Variants in CENPF observed in about 807,000 individuals in gnomAD.
CENPF encodes the protein centromere protein F.
Under a neutral mutation model 307.3 loss-of-function variants are expected in CENPF, and 214 were observed. The ratio of observed to expected loss-of-function variants is 0.70; its 90% CI spans 0.62 to 0.78. CENPF has a LOEUF of 0.78. Among genes scored for constraint, CENPF ranks in the 30% least tolerant of loss-of-function variants. The pLI, the probability that CENPF is intolerant of heterozygous loss-of-function variation, is 0.00. For missense variants in CENPF, 3,401 were observed against 3,483.9 expected (o/e 0.98, Z 0.60); for synonymous variants, 1,259 against 1,270.6 (o/e 0.99, Z 0.19).
intron 19 of CENPF, among the ~76,000 whole-genome samples, chr1:214,660,846 G>T (rs150165361): frequency 3.9e-5 from 6 of 152,174 alleles, no homozygotes. Context: ...AGTTCTGTGA[G>T]GTTACTGATT....
chr1:214,648,363 A>C (rs961591336), intron 13 of CENPF: 2 of 458,994 alleles, frequency 4.4e-6, no homozygotes, highest in African/African-American at 4.0e-5. Context: ...TGATAATGAT[A>C]ATCTTTGATG....
chr1:214,632,623 A>T, intron 10 of CENPF, 21 bp downstream of exon 10: 1 of 1,610,866 alleles, frequency 6.2e-7, no homozygotes. Flanking sequence ...AGGATGCCGA[A>T]TTTTCTCCAC....
Position 214,643,324 on chromosome 1 carries a change from T to C in CENPF, c.4986T>C (p.Asp1662=). The C allele has an allele frequency of 6.8e-7, 1 of 1,479,734 alleles. No individual in the cohort carries two copies. Among genetic ancestry groups the C allele is most frequent in the Non-Finnish European group, 9.0e-7 (1 of 1,116,996 alleles). 91.7% of individuals were successfully genotyped at this position (1,479,734 alleles called of 1,614,324 possible). The change falls in exon 12 of 20, where the codon GAT becomes GAC. Residue 1662 remains aspartate (D), a splice_region_variant and synonymous_variant. Transcript: ENST00000366955. Reference sequence around the variant, plus strand: ...CTTTGCTTGGCATCGACACAGAAGATGTAAGTACCTGGGATTTAAATGCCA... The same window carrying C: ...CTTTGCTTGGCATCGACACAGAAGACGTAAGTACCTGGGATTTAAATGCCA... The part of the protein sequence containing the change: ...SRSLLGIDTE[D]AIQGRNESCD...
At position 214,655,445 on chromosome 1, in the gene CENPF, T is replaced by C. The variant is rs1255853670; in HGVS notation, c.8485+42T>C. On this transcript the variant is annotated intron_variant, in intron 17 of 19. Coordinates refer to ENST00000366955, the MANE Select transcript of CENPF (RefSeq NM_016343.4). ...GCACATCAACTAGCCAGAACTCTTTTCCAGTAGTGAAATAACATATGGTAT... is the reference window on the plus strand; with the variant it reads ...GCACATCAACTAGCCAGAACTCTTTCCCAGTAGTGAAATAACATATGGTAT... The C allele has an allele frequency of 3.3e-6, 5 of 1,513,036 alleles. No homozygotes were observed. In the African/African-American group the frequency reaches 5.6e-5, roughly 17 times the overall value. 93.7% of individuals were successfully genotyped at this position (1,513,036 alleles called of 1,614,324 possible).
chr1:214,662,530 G>A (rs2102426170), intron 19 of CENPF, among the ~76,000 whole-genome samples: 1 of 152,144 alleles, frequency 6.6e-6, no homozygotes, highest in Non-Finnish European at 1.5e-5. Context: ...TTTTCTTCTT[G>A]CATCAGAAGG....
Position 214,630,472 on chromosome 1 carries a change from T to A in CENPF, c.1195-62T>A, listed in dbSNP as rs1657775343. On this transcript the variant is annotated intron_variant, in intron 8 of 19. Coordinates refer to ENST00000366955, the MANE Select transcript of CENPF (RefSeq NM_016343.4). ...AGTCGCCTGTTAGGATGCTCATGCC[T>A]CACCCTGGAGTCTCCCTAGCGAACC... The A allele has an allele frequency of 9.4e-6, 15 of 1,598,426 alleles. No individual in the cohort carries two copies. The East Asian group carries it at 3.4e-4, about 36-fold the overall frequency.
chr1:214,623,960 T>C (rs1325836848), intron 7 of CENPF, among the ~76,000 whole-genome samples: 2 of 152,212 alleles, frequency 1.3e-5, no homozygotes, highest in Non-Finnish European at 2.9e-5. Flanking sequence ...CATACTTCTA[T>C]TATTTGCTTT....
chr1:214,615,851 A>G (rs1272174773), intron 3 of CENPF, among the ~76,000 whole-genome samples: 1 of 152,094 alleles, frequency 6.6e-6, no homozygotes, highest in African/African-American at 2.4e-5. Flanking sequence ...AGGCAGGAGA[A>G]TCGCTTGAAC....
chr1:214,648,625 A>G (rs781494558), intron 13 of CENPF, 50 bp from the exon 14 acceptor site: 15 of 1,599,160 alleles, frequency 9.4e-6, no homozygotes, highest in Admixed American at 1.7e-5. Flanking sequence ...GGTCGATCTG[A>G]TCAAAACAGA....
At chr1:214,626,346 G>C (rs2102544106) in intron 7 of CENPF, among the ~76,000 whole-genome samples, 1 of 152,136 alleles carries the variant, frequency 6.6e-6, no homozygotes, top group Admixed American at 6.6e-5. Context: ...TAATGTCCAG[G>C]GTTTTTATTT....
In CENPF at chr1:214,647,291, C is replaced by T. The variant is rs201477597; in HGVS notation, c.7721C>T (p.Ser2574Phe). ...GAGCAGAAGATCCAAGTGCTACAATCCAAAAATGCCTCTTTGCAGGACACA... is the reference window on the plus strand; with the variant it reads ...GAGCAGAAGATCCAAGTGCTACAATTCAAAAATGCCTCTTTGCAGGACACA... The part of the protein sequence containing the change: ...ELEQKIQVLQ[S>F]KNASLQDTLE... The change falls in exon 13 of 20, where the codon TCC becomes TTC. Residue 2574 changes from serine to phenylalanine, a missense_variant. Transcript: ENST00000366955. The T allele has an allele frequency of 9.5e-5, 154 of 1,614,014 alleles. 1 individual carries two copies. In the East Asian group the frequency reaches 2.9e-3, roughly 30 times the overall value.
rs764599809 is a variant in CENPF, at chr1:214,647,092, C to G, written c.7522C>G (p.Gln2508Glu). The change falls in exon 13 of 20, where the codon CAA becomes GAA. Residue 2508 changes from glutamine (Q) to glutamate (E), a missense_variant. Physicochemically the swap from Gln to Glu is conservative, Grantham distance 29. Coordinates refer to ENST00000366955, the MANE Select transcript of CENPF (RefSeq NM_016343.4). Reference protein sequence around the residue: ...VLQSSVNGLIQEVEDGKQKLE... With the variant: ...VLQSSVNGLIEEVEDGKQKLE... ...GCAATCTTCAGTGAATGGCCTCATTCAAGAAGTAGAAGATGGCAAGCAGAA... is the reference window on the plus strand; with the variant it reads ...GCAATCTTCAGTGAATGGCCTCATTGAAGAAGTAGAAGATGGCAAGCAGAA... 1.8e-5 allele frequency: 29 copies of G among 1,613,820 alleles called. No homozygotes were observed. The Admixed American group carries it at 3.5e-4, about 19-fold the overall frequency.
chr1:214,616,117 C>T (rs1370406547), intron 3 of CENPF, among the ~76,000 whole-genome samples: 1 of 152,054 alleles, frequency 6.6e-6, no homozygotes, highest in Non-Finnish European at 1.5e-5. Flanking sequence ...TTGGCAATCT[C>T]ATATAGTTCA....
intron 17 of CENPF, among the ~76,000 whole-genome samples, chr1:214,656,525 G>A (rs899681276): frequency 4.6e-5 from 7 of 152,120 alleles, no homozygotes; most frequent in Non-Finnish European, 7.4e-5. Flanking sequence ...GTCTCCCAAA[G>A]CCATACAACA....
Position 214,646,436 on chromosome 1 carries a change from T to C in CENPF, c.6866T>C (p.Leu2289Pro). Residue 2289 changes from leucine (L) to proline (P), a missense_variant, in exon 13 of 20, where the codon CTA becomes CCA. Coordinates refer to ENST00000366955, the MANE Select transcript of CENPF (RefSeq NM_016343.4). ...ATTATGAAGGCCACAGAACAGAGTC[T>C]AGACCCACCAATAGAGGAAGAGCAT... The part of the protein sequence containing the change: ...QEIMKATEQS[L>P]DPPIEEEHQL... 1 of 1,614,126 alleles carries C rather than the reference T, an allele frequency of 6.2e-7. No individual in the cohort carries two copies. Among genetic ancestry groups the C allele is most frequent in the Non-Finnish European group, 8.5e-7 (1 of 1,180,018 alleles).
intron 9 of CENPF, among the ~76,000 whole-genome samples, chr1:214,631,908 T>C (rs1267449178): frequency 4.6e-5 from 7 of 152,332 alleles, no homozygotes; most frequent in African/African-American, 1.7e-4. Context: ...TCCTTGCTAA[T>C]TGGAGGTAGT....
At chr1:214,638,921 C>T (rs2102556358) in intron 11 of CENPF, among the ~76,000 whole-genome samples, 1 of 152,334 alleles carries the variant, frequency 6.6e-6, no homozygotes, top group South Asian at 2.1e-4. Flanking sequence ...AGAAAAGGAA[C>T]AGTTGGGGCA....
rs1389005592 is a variant in CENPF, at chr1:214,645,562, T to C, written c.5992T>C (p.Cys1998Arg). 5.6e-6 allele frequency: 9 copies of C among 1,613,856 alleles called. No individual in the cohort carries two copies. Among genetic ancestry groups the C allele is most frequent in the Non-Finnish European group, 6.8e-6 (8 of 1,180,000 alleles). The part of the protein sequence containing the change: ...TQELESHQSE[C>R]LHCIQVAEAE... ...AGAGCTTGAGTCTCATCAAAGTGAG[T>C]GTCTCCATTGCATTCAGGTGGCAGA... is the stretch of plus-strand genomic sequence containing the variant. Residue 1998 changes from cysteine to arginine, a missense_variant, in exon 13 of 20, where the codon TGT (cysteine) becomes CGT (arginine). Transcript: ENST00000366955.
intron 3 of CENPF, 126 bp from the exon 4 acceptor site, chr1:214,618,447 A>G: frequency 3.5e-6 from 4 of 1,150,160 alleles, no homozygotes; most frequent in Non-Finnish European, 5.0e-6. Flanking sequence ...GATAAATGAA[A>G]TGGTTAAGAA....
Sources: allele counts gnomAD v4.1 joint callset (sites outside exome capture counted in the v4.1 genomes callset), GRCh38; gene constraint gnomAD v4.1.1; transcripts MANE v1.5; gene names NCBI Gene and HGNC (gene_info 2026-07-23, HGNC 2026-07-21).